ZDHHC21: variants seen among roughly 807,000 people sequenced by gnomAD.
The protein encoded by ZDHHC21 is palmitoyltransferase ZDHHC21.
In ZDHHC21, 15 loss-of-function variants were observed where a neutral mutation model predicts 34.6. That is an observed-to-expected ratio of 0.43 (90% CI 0.29 to 0.67). The LOEUF (loss-of-function observed/expected upper bound fraction) is 0.67. ZDHHC21 is among the 30% of genes least tolerant of loss of function. The pLI, the probability that ZDHHC21 is intolerant of heterozygous loss-of-function variation, is 0.14. For synonymous variants in ZDHHC21, 142 were observed against 101.8 expected (o/e 1.40, Z -2.38); for missense variants, 344 against 327.7 (o/e 1.05, Z -0.38).
Position 14,665,640 on chromosome 9 carries a change from A to G in ZDHHC21, c.254-3314T>C, listed in dbSNP as rs1162064234. Among the ~76,000 whole-genome samples the G allele has an allele frequency of 4.9e-3, 692 of 142,472 alleles. 3 individuals are homozygous for G. The highest frequency in any genetic ancestry group is 0.016 in the African/African-American group (610 of 38,666). 93.5% of individuals were successfully genotyped at this position (142,472 alleles called of 152,430 possible). ...TCAAAGGGAAGCCCATCAGACTAAC[A>G]GCGGATCTCTCGGCAGAAACCCTAC... On this transcript the variant is annotated intron_variant, in intron 5 of 9. Transcript: ENST00000380916.
intron 7 of ZDHHC21, among the ~76,000 whole-genome samples, chr9:14,642,001 C>T (rs1476324597): frequency 1.3e-5 from 2 of 151,930 alleles, no homozygotes; most frequent in African/African-American, 4.8e-5. Flanking sequence ...CCATCTATGA[C>T]CAAATAAAAT....
intron 2 of ZDHHC21, among the ~76,000 whole-genome samples, chr9:14,685,953 G>A (rs1008831959): frequency 2.0e-5 from 3 of 151,968 alleles, no homozygotes; most frequent in Admixed American, 6.6e-5. Flanking sequence ...ACTATTACAA[G>A]GACAGAAAAC....
At chr9:14,591,344 G>A in the ZDHHC21 span, among the ~76,000 whole-genome samples, 1 of 151,996 alleles carries the variant, frequency 6.6e-6, no homozygotes, top group Non-Finnish European at 1.5e-5. Context: ...CTTATTAGAG[G>A]ATTGAGGGAG....
the ZDHHC21 span, among the ~76,000 whole-genome samples, chr9:14,596,183 A>C: frequency 1.3e-5 from 2 of 152,244 alleles, no homozygotes; most frequent in Non-Finnish European, 2.9e-5. Flanking sequence ...ATAGTAAATG[A>C]ATCGATAACA....
At chr9:14,677,686 G>T (rs544261592) in intron 3 of ZDHHC21, among the ~76,000 whole-genome samples, 179 of 152,120 alleles carry the variant, frequency 1.2e-3, no homozygotes, top group Middle Eastern at 3.4e-3. Flanking sequence ...AACTATAGTT[G>T]ACTACAGTGA....
chr9:14,646,357 C>T (rs1319560656), intron 7 of ZDHHC21, among the ~76,000 whole-genome samples: 2 of 151,994 alleles, frequency 1.3e-5, no homozygotes, highest in East Asian at 3.9e-4. Context: ...ATAAAAGGTA[C>T]AAAAAGTTGT....
chr9:14,636,292 C>A (rs1048609072), intron 8 of ZDHHC21, among the ~76,000 whole-genome samples: 2 of 152,118 alleles, frequency 1.3e-5, no homozygotes, highest in Admixed American at 6.5e-5. Context: ...GATATGCAGA[C>A]TTTAAGTCAA....
intron 7 of ZDHHC21, among the ~76,000 whole-genome samples, chr9:14,655,207 A>G (rs1831970182): frequency 6.6e-6 from 1 of 152,056 alleles, no homozygotes; most frequent in Non-Finnish European, 1.5e-5. Context: ...ATGGAATAAC[A>G]TCTTTTAAAA....
At chr9:14,683,802 G>C (rs895436207) in intron 2 of ZDHHC21, 2 of 152,126 alleles carry the variant, frequency 1.3e-5, no homozygotes, top group South Asian at 2.1e-4. Flanking sequence ...AACATCCTCA[G>C]TAAAATACTG....
chr9:14,684,820 A>G (rs1838018440), intron 2 of ZDHHC21, among the ~76,000 whole-genome samples: 1 of 152,230 alleles, frequency 6.6e-6, no homozygotes, highest in Non-Finnish European at 1.5e-5. Flanking sequence ...AGGCTACAGT[A>G]ACCAAAACAC....
chr9:14,633,826 G>A (rs988492566), intron 8 of ZDHHC21, among the ~76,000 whole-genome samples: 7 of 152,130 alleles, frequency 4.6e-5, no homozygotes, highest in Admixed American at 1.3e-4. Flanking sequence ...TCCCCAGCCC[G>A]CTGCATACAG....
intron 8 of ZDHHC21, among the ~76,000 whole-genome samples, chr9:14,623,355 C>T (rs1423373483): frequency 6.6e-6 from 1 of 151,714 alleles, no homozygotes; most frequent in Non-Finnish European, 1.5e-5. Flanking sequence ...TCTACAAAAA[C>T]AAAACAAAAC....
chr9:14,663,482 TC>T (rs1322628699), intron 5 of ZDHHC21, among the ~76,000 whole-genome samples: 15 of 149,474 alleles, frequency 1.0e-4, no homozygotes, highest in South Asian at 2.2e-4. Flanking sequence ...CTTTTTTTTT[TC>T]AGATTACAGA....
chr9:14,687,536 T>C (rs528866124), intron 2 of ZDHHC21, among the ~76,000 whole-genome samples: 3 of 150,594 alleles, frequency 2.0e-5, no homozygotes, highest in Non-Finnish European at 2.9e-5. Flanking sequence ...CCAGGCATAG[T>C]GGCGCCCGCC....
chr9:14,639,373 G>A (rs1828901931), intron 8 of ZDHHC21, among the ~76,000 whole-genome samples: 1 of 152,050 alleles, frequency 6.6e-6, no homozygotes, highest in Non-Finnish European at 1.5e-5. Flanking sequence ...CATGGGTGGA[G>A]CGGGGGACGA....
intron 6 of ZDHHC21, among the ~76,000 whole-genome samples, chr9:14,661,481 G>T (rs1466720183): frequency 1.3e-5 from 2 of 152,154 alleles, no homozygotes; most frequent in Non-Finnish European, 2.9e-5. Context: ...CACTATACCA[G>T]TTTAAATATT....
intron 5 of ZDHHC21, 151 bp from the exon 6 acceptor site, chr9:14,662,477 T>C (rs1390938848): frequency 1.2e-5 from 7 of 574,660 alleles, no homozygotes; most frequent in Non-Finnish European, 2.1e-5. Flanking sequence ...GTGTTTGCCA[T>C]AAATGCTGCT....
At position 14,657,834 on chromosome 9, in the gene ZDHHC21, T is replaced by C. The variant is rs368287641; in HGVS notation, c.504+915A>G. Among the ~76,000 whole-genome samples, 17 of 152,322 alleles carry C rather than the reference T, an allele frequency of 1.1e-4. No individual in the cohort carries two copies. In the East Asian group the frequency reaches 3.3e-3, roughly 29 times the overall value. ...ATTACCTTAATCTTACTGAGGAATT[T>C]TATTTTAATGCTTTTCTTATTAGGC... On this transcript the variant is annotated intron_variant, in intron 7 of 9. Coordinates refer to ENST00000380916, the MANE Select transcript of ZDHHC21 (RefSeq NM_178566.6).
chr9:14,668,624 A>C (rs904951752), intron 5 of ZDHHC21, among the ~76,000 whole-genome samples: 2 of 151,874 alleles, frequency 1.3e-5, no homozygotes, highest in East Asian at 1.9e-4. Context: ...ACAGTAACCA[A>C]AACAGCATGG....
Sources: allele counts gnomAD v4.1 joint callset (sites outside exome capture counted in the v4.1 genomes callset), GRCh38; gene constraint gnomAD v4.1.1; transcripts MANE v1.5; gene names NCBI Gene and HGNC (gene_info 2026-07-23, HGNC 2026-07-21).